Variants in ZNF652 observed in about 807,000 individuals in gnomAD.
ZNF652 encodes zinc finger protein 652.
In ZNF652, 16 loss-of-function variants were observed where a neutral mutation model predicts 45.2. The ratio of observed to expected loss-of-function variants is 0.35; its 90% CI spans 0.24 to 0.54. The LOEUF is 0.54. Among genes scored for constraint, ZNF652 ranks in the 20% least tolerant of loss-of-function variants. ZNF652 has a pLI of 0.91. For missense variants in ZNF652, 614 were observed against 765.6 expected, an observed-to-expected ratio of 0.80 and a Z score of 2.34; for synonymous variants, 250 against 260.6, an observed-to-expected ratio of 0.96 and a Z score of 0.39.
intron 5 of ZNF652, among the ~76,000 whole-genome samples, chr17:49,309,389 T>A (rs2069677751): frequency 7.2e-6 from 1 of 138,364 alleles, no homozygotes; most frequent in Non-Finnish European, 1.5e-5. Context: ...ACTCGCGTAA[T>A]CTCAACTACT....
chr17:49,315,040 T>TAG (rs200922751), intron 2 of ZNF652, among the ~76,000 whole-genome samples: 30,380 of 137,780 alleles, frequency 0.22, 3,381 homozygotes, highest in South Asian at 0.36. Flanking sequence ...GGGTTTTAGT[T>TAG]TGTTTTTTTT....
chr17:49,334,465 C>T (rs960278686), intron 1 of ZNF652, among the ~76,000 whole-genome samples: 1 of 151,980 alleles, frequency 6.6e-6, no homozygotes, highest in Non-Finnish European at 1.5e-5. Context: ...GTCTGGGCAA[C>T]AGAGTGAGAC....
chr17:49,314,737 A>G lies in ZNF652; in HGVS notation c.901-1892T>C, dbSNP rs551885930. On this transcript the variant is annotated intron_variant, in intron 2 of 5. Transcript: ENST00000430262. ...TACTTAAGGGAACATGTTAATATTC[A>G]CTATAAATAAAGATCTCTAAACATC... 3.2e-4 allele frequency among the ~76,000 whole-genome samples: 48 copies of G among 152,322 alleles called. 1 individual carries two copies. Among genetic ancestry groups the G allele is most frequent in the Middle Eastern group, 3.4e-3 (1 of 294 alleles).
Position 49,327,761 on chromosome 17 carries a change from ATATATATATATATATATAT to A in ZNF652, c.-258-9797_-258-9779del, listed in dbSNP as rs2069976322. On this transcript the variant is annotated intron_variant, in intron 1 of 5. Transcript: ENST00000430262. ...TATATATATATATATATATATATAT[ATATATATATATATATATAT>A]TTTTTTTTTTTTTTTTTAGTAGAGA... Among the ~76,000 whole-genome samples the A allele has an allele frequency of 1.9e-3, 19 of 10,080 alleles. No homozygotes were observed. The South Asian group carries it at 0.029, about 15-fold the overall frequency. The allele number at this position is 10,080 out of a possible 152,430, so 6.6% of individuals were successfully genotyped here. A position where few individuals can be genotyped will look rare whatever the true frequency, so the allele number is the denominator to read the frequency against.
At chr17:49,333,794 CAGCA>C (rs1305411617) in intron 1 of ZNF652, among the ~76,000 whole-genome samples, 4 of 150,224 alleles carry the variant, frequency 2.7e-5, no homozygotes, top group Non-Finnish European at 4.4e-5. Context: ...TAACATTATT[CAGCA>C]TTAGTGAAAT....
In ZNF652 at chr17:49,358,581, T is replaced by A. The variant is rs887180457; in HGVS notation, c.-259+3328A>T. The stretch of plus-strand genomic sequence containing the variant: ...TTATCTAAAACCCCTGAGAAAAGGG[T>A]GACTTCAAAAGTTCACATTCTAGTT... On this transcript the variant is annotated intron_variant, in intron 1 of 5. Transcript: ENST00000430262. Among the ~76,000 whole-genome samples, 11 of 152,246 alleles carry A rather than the reference T, an allele frequency of 7.2e-5. 3 individuals are homozygous for A. The highest frequency in any genetic ancestry group is 7.2e-4 in the Admixed American group (11 of 15,292).
chr17:49,322,172 TGCA>T (rs1448333270), intron 1 of ZNF652, among the ~76,000 whole-genome samples: 1 of 152,230 alleles, frequency 6.6e-6, no homozygotes, highest in Non-Finnish European at 1.5e-5. Flanking sequence ...TCTGCTACAA[TGCA>T]TATTTCTCTA....
intron 5 of ZNF652, among the ~76,000 whole-genome samples, chr17:49,299,523 G>C (rs1054198546): frequency 1.3e-5 from 2 of 152,060 alleles, no homozygotes; most frequent in Non-Finnish European, 2.9e-5. Flanking sequence ...TGAGACTACA[G>C]GTGTGCACCA....
intron 1 of ZNF652, among the ~76,000 whole-genome samples, chr17:49,328,692 C>A (rs939208936): frequency 6.6e-6 from 1 of 152,128 alleles, no homozygotes; most frequent in Non-Finnish European, 1.5e-5. Flanking sequence ...TTTCTGAGGC[C>A]CTTAACAGAA....
In ZNF652 at chr17:49,316,837, T is replaced by C. The variant is rs1192501835; in HGVS notation, c.889A>G (p.Lys297Glu). The change falls in exon 2 of 6, where the codon AAA becomes GAA. Residue 297 changes from lysine (K) to glutamate (E), a missense_variant. Lys to Glu is a moderately conservative substitution (Grantham distance 56). Around this residue, in one of 5 missense-constraint regions of ZNF652, gnomAD observed 262 missense variants for 306.3 expected, o/e 0.86. Coordinates refer to ENST00000430262, the MANE Select transcript of ZNF652 (RefSeq NM_001145365.3). ...LSLHQQTDCE[K>E]NIQCVSCNKS... is the part of the protein sequence containing the mutation. ...GTGATGAAACCTACCTGAATGTTTT[T>C]TTCACAGTCTGTTTGCTGGTGAAGG... is the stretch of plus-strand genomic sequence containing the variant. 1.9e-6 allele frequency: 3 copies of C among 1,610,402 alleles called. No individual in the cohort carries two copies. Among genetic ancestry groups the C allele is most frequent in the East Asian group, 2.2e-5 (1 of 44,884 alleles).
chr17:49,344,468 T>A (rs2070183343), intron 1 of ZNF652, among the ~76,000 whole-genome samples: 3 of 151,862 alleles, frequency 2.0e-5, no homozygotes, highest in Admixed American at 1.3e-4. Flanking sequence ...TCAAATATAC[T>A]TCCCTTACCA....
Position 49,297,457 on chromosome 17 carries a change from C to A in ZNF652, c.*956G>T. Reference sequence around the variant, plus strand: ...AGGCCCCATCCCCTGCAAATCATTTCATGTAATGCACTAACGAAGCCAAGC... The same window carrying A: ...AGGCCCCATCCCCTGCAAATCATTTAATGTAATGCACTAACGAAGCCAAGC... On this transcript the variant is annotated 3_prime_UTR_variant, in exon 6 of 6. Transcript: ENST00000430262. The A allele has an allele frequency of 6.6e-6, 1 of 152,530 alleles. No homozygotes were observed. The allele number at this position is 152,530 out of a possible 1,614,324, so 9.4% of individuals were successfully genotyped here.
At chr17:49,338,058 A>T (rs1306347093) in intron 1 of ZNF652, among the ~76,000 whole-genome samples, 2 of 150,828 alleles carry the variant, frequency 1.3e-5, no homozygotes, top group Admixed American at 6.6e-5. Flanking sequence ...CGCGATCATG[A>T]CTCACTTCAG....
chr17:49,315,288 G>C (rs1317340285), intron 2 of ZNF652, among the ~76,000 whole-genome samples: 1 of 148,244 alleles, frequency 6.7e-6, no homozygotes, highest in Non-Finnish European at 1.5e-5. Context: ...TGATCCACCT[G>C]CCTTGGCCTC....
chr17:49,340,170 T>C (rs1264272595), intron 1 of ZNF652, among the ~76,000 whole-genome samples: 1 of 152,118 alleles, frequency 6.6e-6, no homozygotes, highest in Non-Finnish European at 1.5e-5. Flanking sequence ...ATCCCAACAC[T>C]TTAGGAGGCC....
rs1293262889 is a variant in ZNF652 at position 49,355,730 on chromosome 17, T to C, written c.-259+6179A>G. 2.6e-5 allele frequency among the ~76,000 whole-genome samples: 4 copies of C among 151,676 alleles called. No individual in the cohort carries two copies. The East Asian group carries it at 7.9e-4, about 30-fold the overall frequency. ...CTGGCCAATATGGTGAAACCCCGTC[T>C]CTACTAAAAATACAAAAATTATCTG... On this transcript the variant is annotated intron_variant, in intron 1 of 5. Coordinates refer to ENST00000430262, the MANE Select transcript of ZNF652 (RefSeq NM_001145365.3).
chr17:49,361,462 T>C (rs552026472), intron 1 of ZNF652, among the ~76,000 whole-genome samples: 7 of 152,142 alleles, frequency 4.6e-5, no homozygotes, highest in Middle Eastern at 6.8e-3. Context: ...GGCGGCACAA[T>C]ACTCCCGGGG....
rs534425708 is a variant in ZNF652, at chr17:49,293,351, G to A, written c.*5062C>T. 6.6e-6 allele frequency among the ~76,000 whole-genome samples: 1 copy of A among 152,288 alleles called. No homozygotes were observed. The highest frequency in any genetic ancestry group is 2.1e-4 in the South Asian group (1 of 4,834). Reference sequence around the variant, plus strand: ...CAAAGCTGGAACAACCAAGGAGTTTGATTTTCCTTTGAATCTTGCAAAACC... The same window carrying A: ...CAAAGCTGGAACAACCAAGGAGTTTAATTTTCCTTTGAATCTTGCAAAACC... On this transcript the variant is annotated 3_prime_UTR_variant, in exon 6 of 6. Coordinates refer to ENST00000430262, the MANE Select transcript of ZNF652 (RefSeq NM_001145365.3).
intron 1 of ZNF652, among the ~76,000 whole-genome samples, chr17:49,320,778 G>A (rs772535674): frequency 6.6e-6 from 1 of 152,180 alleles, no homozygotes; most frequent in Non-Finnish European, 1.5e-5. Context: ...AAATCAGAAA[G>A]TCAAAGAAAA....
Sources: gnomAD v4.1 joint callset for allele counts (sites outside exome capture counted in the v4.1 genomes callset) on GRCh38, gnomAD v4.1.1 for gene constraint, gnomAD v4.1.1 regional missense constraint, MANE v1.5 for transcripts, NCBI Gene and HGNC (gene_info 2026-07-23, HGNC 2026-07-21) for gene names.